The following PTK2B variants were observed in gnomAD, a reference collection of about 807,000 sequenced individuals.
PTK2B encodes the protein protein tyrosine kinase 2 beta.
PTK2B carries 71 observed loss-of-function variants against 142.9 expected under a neutral mutation model. That is an observed-to-expected ratio of 0.50 (90% CI 0.41 to 0.61). The LOEUF (loss-of-function observed/expected upper bound fraction) is 0.61. Among genes scored for constraint, PTK2B ranks in the 20% least tolerant of loss-of-function variants. The pLI is 0.00. For synonymous variants in PTK2B, 519 were observed against 503.4 expected, an observed-to-expected ratio of 1.03 and a Z score of -0.42; for missense variants, 1,105 against 1,320.4, an observed-to-expected ratio of 0.84 and a Z score of 2.53.
At chr8:27,362,854 GCTCCCATGCGAAATCTAGAACCA>G (rs1457800545) in intron 1 of PTK2B, among the ~76,000 whole-genome samples, 4 of 151,768 alleles carry the variant, frequency 2.6e-5, no homozygotes, top group Non-Finnish European at 4.4e-5. Flanking sequence ...ATCTAGAACT[GCTCCCATGCGAAATCTAGAACCA>G]CTCCCATGCG....
chr8:27,440,221 C>T lies in PTK2B; in HGVS notation c.1835-16C>T. On this transcript the variant is annotated splice_polypyrimidine_tract_variant and intron_variant, in intron 20 of 30. Transcript: ENST00000346049. Reference sequence around the variant, plus strand: ...GGTCTCCCCCACCCAGGGCCTGACGCTCCCTTACACCCCAGCCGTGTGCAT... The same window carrying T: ...GGTCTCCCCCACCCAGGGCCTGACGTTCCCTTACACCCCAGCCGTGTGCAT... The T allele has an allele frequency of 1.2e-6, 2 of 1,613,714 alleles. No homozygotes were observed. The highest frequency in any genetic ancestry group is 1.1e-5 in the South Asian group (1 of 91,058).
chr8:27,419,762 A>G (rs1809627142), intron 2 of PTK2B, 133 bp from the exon 3 acceptor site: 1 of 932,976 alleles, frequency 1.1e-6, no homozygotes, highest in African/African-American at 1.7e-5. Flanking sequence ...CCTAAATGCT[A>G]GAGAATCAGA....
At chr8:27,329,451 G>T (rs1471197734) in intron 1 of PTK2B, among the ~76,000 whole-genome samples, 1 of 152,120 alleles carries the variant, frequency 6.6e-6, no homozygotes, top group Non-Finnish European at 1.5e-5. Flanking sequence ...TGAGGCTAGG[G>T]AGGGGAGGGA....
intron 22 of PTK2B, among the ~76,000 whole-genome samples, chr8:27,443,528 G>A (rs1156248657): frequency 2.0e-5 from 3 of 152,196 alleles, no homozygotes; most frequent in Non-Finnish European, 4.4e-5. Flanking sequence ...GGTGTCTTGT[G>A]AGGGCTCTCT....
intron 1 of PTK2B, among the ~76,000 whole-genome samples, chr8:27,374,525 T>C (rs1202698227): frequency 6.6e-6 from 1 of 152,214 alleles, no homozygotes; most frequent in Non-Finnish European, 1.5e-5. Flanking sequence ...TGAAACAGCA[T>C]AGCAGGTTTA....
At chr8:27,436,708 G>GCTGA (rs1334409346) in intron 15 of PTK2B, among the ~76,000 whole-genome samples, 1 of 152,184 alleles carries the variant, frequency 6.6e-6, no homozygotes, top group African/African-American at 2.4e-5. Flanking sequence ...GCAGGGTAAG[G>GCTGA]CTGACCGCTG....
intron 2 of PTK2B, among the ~76,000 whole-genome samples, chr8:27,414,954 G>A (rs1809309570): frequency 1.3e-5 from 2 of 152,170 alleles, no homozygotes; most frequent in South Asian, 2.1e-4. Context: ...AGATAGAAAG[G>A]TAGAGAAAGA....
chr8:27,402,920 C>T (rs1467076578), intron 2 of PTK2B, among the ~76,000 whole-genome samples: 1 of 152,210 alleles, frequency 6.6e-6, no homozygotes, highest in Non-Finnish European at 1.5e-5. Context: ...CTCTAAAAAG[C>T]ACAACCTTAT....
chr8:27,392,109 G>A (rs1247439307), intron 1 of PTK2B, among the ~76,000 whole-genome samples: 3 of 152,148 alleles, frequency 2.0e-5, no homozygotes, highest in East Asian at 1.9e-4. Context: ...GCCAGAGATA[G>A]GCTATTGACG....
chr8:27,361,925 A>G (rs1805733756), intron 1 of PTK2B, among the ~76,000 whole-genome samples: 1 of 152,086 alleles, frequency 6.6e-6, no homozygotes, highest in Non-Finnish European at 1.5e-5. Flanking sequence ...CCTCCTAGTC[A>G]TCATTTCAGT....
intron 1 of PTK2B, among the ~76,000 whole-genome samples, chr8:27,336,580 T>A (rs892957428): frequency 6.6e-6 from 1 of 152,276 alleles, no homozygotes; most frequent in Non-Finnish European, 1.5e-5. Flanking sequence ...CTTTGTAGGA[T>A]AATGTTGAAT....
intron 3 of PTK2B, among the ~76,000 whole-genome samples, chr8:27,314,597 C>T (rs1292671041): frequency 6.6e-6 from 1 of 152,252 alleles, no homozygotes; most frequent in African/African-American, 2.4e-5. Flanking sequence ...TCTCCATTTA[C>T]ATAGGGCGTA....
At chr8:27,397,264 G>A (rs1239646897) in intron 1 of PTK2B, among the ~76,000 whole-genome samples, 2 of 152,190 alleles carry the variant, frequency 1.3e-5, no homozygotes, top group Admixed American at 6.5e-5. Context: ...GTGCCAGGGT[G>A]GAGGGAGGAA....
intron 1 of PTK2B, among the ~76,000 whole-genome samples, chr8:27,331,322 T>C (rs767855785): frequency 1.3e-5 from 2 of 152,122 alleles, no homozygotes; most frequent in Non-Finnish European, 2.9e-5. Context: ...TGGGGGTGAT[T>C]GATGGGGAGG....
At chr8:27,424,971 T>C (rs1244975652) in intron 5 of PTK2B, among the ~76,000 whole-genome samples, 1 of 152,208 alleles carries the variant, frequency 6.6e-6, no homozygotes, top group Non-Finnish European at 1.5e-5. Flanking sequence ...GTCATGTGTT[T>C]CCTGTGTTAC....
intron 2 of PTK2B, among the ~76,000 whole-genome samples, chr8:27,412,807 T>G (rs1250220742): frequency 1.3e-5 from 2 of 152,150 alleles, no homozygotes; most frequent in South Asian, 2.1e-4. Context: ...AAAAAAAATT[T>G]TGTGCAAGCA....
chr8:27,453,298 A>T, intron 28 of PTK2B, 138 bp downstream of exon 28: 133 of 1,062,022 alleles, frequency 1.3e-4, no homozygotes, highest in African/African-American at 2.6e-4. Context: ...GCCCGGGGTT[A>T]GGGGGCGGGT....
chr8:27,447,977 A>G (rs1215396936), intron 24 of PTK2B, among the ~76,000 whole-genome samples: 2 of 152,286 alleles, frequency 1.3e-5, no homozygotes, highest in Non-Finnish European at 2.9e-5. Flanking sequence ...AAGCGCTTAC[A>G]GTCGACCAGA....
intron 30 of PTK2B, among the ~76,000 whole-genome samples, chr8:27,456,122 T>G (rs146479541): frequency 0.011 from 1,601 of 152,370 alleles, 10 homozygotes; most frequent in Middle Eastern, 0.024. Context: ...CATTCATTCA[T>G]TCATTCATCT....
Sources: allele counts gnomAD v4.1 joint callset (sites outside exome capture counted in the v4.1 genomes callset), GRCh38; gene constraint gnomAD v4.1.1; transcripts MANE v1.5; gene names NCBI Gene and HGNC (gene_info 2026-07-23, HGNC 2026-07-21).